LRRFIP2: variants seen among roughly 807,000 people sequenced by gnomAD.
LRRFIP2 encodes leucine-rich repeat flightless-interacting protein 2.
Under a neutral mutation model 125.9 loss-of-function variants are expected in LRRFIP2, and 109 were observed. That is an observed-to-expected ratio of 0.87 (90% confidence interval 0.74 to 1.01). LRRFIP2 has a LOEUF of 1.01. LRRFIP2 is among the 50% of genes least tolerant of loss of function. LRRFIP2 has a pLI of 0.00. For synonymous variants in LRRFIP2, 291 were observed against 293.1 expected (o/e 0.99, Z 0.07); for missense variants, 850 against 862.3 (o/e 0.99, Z 0.18).
chr3:37,104,271 T>C (rs2094209089), intron 14 of LRRFIP2, among the ~76,000 whole-genome samples: 1 of 152,144 alleles, frequency 6.6e-6, no homozygotes, highest in Non-Finnish European at 1.5e-5. Context: ...AATGTACAAA[T>C]AAAGACACTG....
intron 2 of LRRFIP2, among the ~76,000 whole-genome samples, chr3:37,142,281 A>G (rs1305588700): frequency 6.6e-6 from 1 of 151,372 alleles, no homozygotes; most frequent in Non-Finnish European, 1.5e-5. Context: ...TGGAACTACA[A>G]GCACGTGTCA....
chr3:37,135,947 G>C (rs1229037057), intron 2 of LRRFIP2, among the ~76,000 whole-genome samples: 1 of 152,146 alleles, frequency 6.6e-6, no homozygotes, highest in East Asian at 1.9e-4. Context: ...ATGTACCTAA[G>C]AGAAACGAGA....
chr3:37,101,080 G>A (rs961289495), intron 15 of LRRFIP2, among the ~76,000 whole-genome samples: 3 of 152,104 alleles, frequency 2.0e-5, no homozygotes, highest in Non-Finnish European at 4.4e-5. Context: ...AATGTTGGCT[G>A]GGCGCGGTGG....
chr3:37,076,758 C>T (rs1042951062), intron 19 of LRRFIP2, among the ~76,000 whole-genome samples: 4 of 151,438 alleles, frequency 2.6e-5, no homozygotes, highest in Non-Finnish European at 4.4e-5. Flanking sequence ...CCCAGCTACT[C>T]GGGAGGCTGA....
chr3:37,078,067 T>C (rs999879754), intron 19 of LRRFIP2, among the ~76,000 whole-genome samples: 1 of 152,182 alleles, frequency 6.6e-6, no homozygotes, highest in African/African-American at 2.4e-5. Context: ...AAAAAATTTC[T>C]GGAGATCTGA....
chr3:37,109,383 G>A, intron 11 of LRRFIP2, 144 bp downstream of exon 11: 1 of 838,590 alleles, frequency 1.2e-6, no homozygotes, highest in Non-Finnish European at 2.0e-6. Context: ...TATATTTTAA[G>A]CACAGGCAGC....
chr3:37,167,418 G>A (rs2096521228), intron 1 of LRRFIP2, among the ~76,000 whole-genome samples: 1 of 152,042 alleles, frequency 6.6e-6, no homozygotes, highest in African/African-American at 2.4e-5. Context: ...CACTTTGGGA[G>A]GCCGAGGCGG....
At chr3:37,156,275 T>C (rs1304333299) in intron 1 of LRRFIP2, among the ~76,000 whole-genome samples, 1 of 151,772 alleles carries the variant, frequency 6.6e-6, no homozygotes, top group Non-Finnish European at 1.5e-5. Context: ...AGCCCAGGAG[T>C]TTGAGACCAG....
At chr3:37,128,755 T>G (rs2095352147) in intron 3 of LRRFIP2, among the ~76,000 whole-genome samples, 2 of 152,290 alleles carry the variant, frequency 1.3e-5, no homozygotes, top group East Asian at 3.9e-4. Flanking sequence ...AATCCAAATT[T>G]TAGGACAATT....
At chr3:37,094,076 T>C (rs2093604088) in intron 17 of LRRFIP2, among the ~76,000 whole-genome samples, 1 of 152,158 alleles carries the variant, frequency 6.6e-6, no homozygotes, top group South Asian at 2.1e-4. Context: ...CTGGTTTTAT[T>C]GGTTTGTATC....
chr3:37,166,335 A>G (rs1343120421), intron 1 of LRRFIP2, among the ~76,000 whole-genome samples: 1 of 149,246 alleles, frequency 6.7e-6, no homozygotes, highest in Non-Finnish European at 1.5e-5. Context: ...TTAAAATAAC[A>G]TAACATAAAA....
chr3:37,086,860 CT>C lies in LRRFIP2; in HGVS notation c.1108-3055del, dbSNP rs776371127. On this transcript the variant is annotated intron_variant, in intron 18 of 27. Transcript: ENST00000336686. Reference sequence around the variant, plus strand: ...AAAAATACATACATACATACACACACTTTTTTTTTTTTTTCTTGGAGACAGG... The same window carrying C: ...AAAAATACATACATACATACACACACTTTTTTTTTTTTTCTTGGAGACAGG... Among the ~76,000 whole-genome samples, 506 of 144,826 alleles carry C rather than the reference CT, an allele frequency of 3.5e-3. 2 individuals are homozygous for C. The highest frequency in any genetic ancestry group is 0.016 in the Admixed American group (237 of 14,490).
intron 19 of LRRFIP2, among the ~76,000 whole-genome samples, chr3:37,078,537 G>C (rs1428763300): frequency 1.3e-5 from 2 of 152,126 alleles, no homozygotes; most frequent in Non-Finnish European, 2.9e-5. Flanking sequence ...TAAGACAGAA[G>C]AGGTTAAATA....
intron 1 of LRRFIP2, among the ~76,000 whole-genome samples, chr3:37,168,832 T>C (rs2096545664): frequency 6.6e-6 from 1 of 152,164 alleles, no homozygotes. Context: ...GCAGTGCCTA[T>C]TCATAGATGT....
intron 2 of LRRFIP2, among the ~76,000 whole-genome samples, chr3:37,145,427 G>A (rs2095833434): frequency 6.6e-6 from 1 of 152,068 alleles, no homozygotes; most frequent in Non-Finnish European, 1.5e-5. Flanking sequence ...ACTTGTGAGA[G>A]GGGGAAAAAA....
In LRRFIP2 at chr3:37,083,632, T is replaced by C. The variant is rs962655447; in HGVS notation, c.1278+4A>G. 15 of 1,555,186 alleles carry C rather than the reference T, an allele frequency of 9.6e-6. No individual in the cohort carries two copies. Among genetic ancestry groups the C allele is most frequent in the Non-Finnish European group, 1.3e-5 (15 of 1,159,164 alleles). ...CCCAAGAGAAAATACAAGATAAGCA[T>C]TACCTTTGATTTTTCTTCATTTTCT... On this transcript the variant is annotated splice_donor_region_variant and intron_variant, in intron 19 of 27. Transcript: ENST00000336686.
In LRRFIP2 at chr3:37,053,793, AGT is replaced by A; in HGVS notation, c.*56_*57del. On this transcript the variant is annotated 3_prime_UTR_variant, in exon 28 of 28. Transcript: ENST00000336686. ...AAAGGGGTTTGTGTCAATGGACAAAAGTCAGTCCCTCTAGGTAGGGCCCCAAG... is the reference window on the plus strand; with the variant it reads ...AAAGGGGTTTGTGTCAATGGACAAAACAGTCCCTCTAGGTAGGGCCCCAAG... 1 of 1,138,128 alleles carries A rather than the reference AGT, an allele frequency of 8.8e-7. No homozygotes were observed. The highest frequency in any genetic ancestry group is 1.7e-5 in the Admixed American group (1 of 58,592). The allele number at this position is 1,138,128 out of a possible 1,614,324, so 70.5% of individuals were successfully genotyped here. A position where few individuals can be genotyped will look rare whatever the true frequency, so the allele number is the denominator to read the frequency against.
At chr3:37,127,211 A>G (rs1559968078) in intron 4 of LRRFIP2, among the ~76,000 whole-genome samples, 1 of 152,214 alleles carries the variant, frequency 6.6e-6, no homozygotes, top group Non-Finnish European at 1.5e-5. Context: ...GTAGTGGTAG[A>G]GAATTTAAAA....
chr3:37,161,356 A>G (rs1210135152), intron 1 of LRRFIP2, among the ~76,000 whole-genome samples: 1 of 152,078 alleles, frequency 6.6e-6, no homozygotes, highest in Non-Finnish European at 1.5e-5. Context: ...AGACTGTTTC[A>G]AGAAAGAAAG....
Sources: gnomAD v4.1 joint callset for allele counts (sites outside exome capture counted in the v4.1 genomes callset) on GRCh38, gnomAD v4.1.1 for gene constraint, MANE v1.5 for transcripts, NCBI Gene and HGNC (gene_info 2026-07-23, HGNC 2026-07-21) for gene names.